AGBL3: variants seen among roughly 807,000 people sequenced by gnomAD.
AGBL3 encodes the protein cytosolic carboxypeptidase 3.
A neutral mutation model predicts 94.5 loss-of-function variants in AGBL3; 68 were observed. The ratio of observed to expected loss-of-function variants is 0.72; its 90% CI spans 0.59 to 0.88. The LOEUF is 0.88. Ranked by LOEUF, AGBL3 falls within the 40% of genes least tolerant of loss-of-function variation. AGBL3 has a pLI of 0.00. For synonymous variants in AGBL3, 354 were observed against 370.7 expected (o/e 0.95, Z 0.52); for missense variants, 934 against 1,103.8 (o/e 0.85, Z 2.18).
At chr7:135,080,432 ACAATC>A (rs1233649450) in intron 14 of AGBL3, among the ~76,000 whole-genome samples, 172 bp downstream of exon 14, 1 of 152,220 alleles carries the variant, frequency 6.6e-6, no homozygotes, top group Non-Finnish European at 1.5e-5. Flanking sequence ...AGAAACAACA[ACAATC>A]CAAGCGCAGT....
At chr7:135,027,160 C>T (rs1815236449) in intron 5 of AGBL3, among the ~76,000 whole-genome samples, 1 of 151,376 alleles carries the variant, frequency 6.6e-6, no homozygotes, top group African/African-American at 2.4e-5. Context: ...GTGATTCTCC[C>T]ACCTCAGCCT....
intron 11 of AGBL3, among the ~76,000 whole-genome samples, chr7:135,054,665 T>C (rs963820333): frequency 2.0e-5 from 3 of 152,222 alleles, no homozygotes; most frequent in Non-Finnish European, 4.4e-5. Context: ...AAATATTTAA[T>C]GGTAGATAAT....
chr7:135,121,955 A>G (rs903238634), intron 16 of AGBL3, among the ~76,000 whole-genome samples: 1 of 152,172 alleles, frequency 6.6e-6, no homozygotes, highest in African/African-American at 2.4e-5. Context: ...TAGCGTCCCA[A>G]CCCCAGAGCC....
At chr7:134,995,471 G>C (rs1247311689) in intron 4 of AGBL3, 1 of 152,182 alleles carries the variant, frequency 6.6e-6, no homozygotes, top group African/African-American at 2.4e-5. Flanking sequence ...AGTGGGGAGA[G>C]TTTCTATTTT....
chr7:135,039,564 A>T (rs184122011), intron 8 of AGBL3, among the ~76,000 whole-genome samples: 1 of 152,002 alleles, frequency 6.6e-6, no homozygotes, highest in East Asian at 1.9e-4. Context: ...GTGAAACCTC[A>T]TCTCTACTAA....
intron 4 of AGBL3, chr7:135,010,021 A>C: frequency 2.6e-6 from 1 of 380,406 alleles, no homozygotes; most frequent in Admixed American, 3.4e-5. Context: ...TGAGGATGAC[A>C]CTTTTTTTTT....
At chr7:135,124,206 A>G (rs1827534218) in intron 16 of AGBL3, among the ~76,000 whole-genome samples, 4 of 141,308 alleles carry the variant, frequency 2.8e-5, no homozygotes, top group Admixed American at 2.2e-4. Context: ...AAAATTTACC[A>G]AGCAAATGGA....
At chr7:135,120,643 C>A (rs4732096) in intron 16 of AGBL3, among the ~76,000 whole-genome samples, 1 of 151,528 alleles carries the variant, frequency 6.6e-6, no homozygotes, top group Non-Finnish European at 1.5e-5. Flanking sequence ...CAGTTAAGGA[C>A]AGATTAACAG....
intron 6 of AGBL3, among the ~76,000 whole-genome samples, chr7:135,033,620 C>A (rs1815999019): frequency 6.6e-6 from 1 of 152,098 alleles, no homozygotes; most frequent in South Asian, 2.1e-4. Context: ...TTAAGCATCT[C>A]CAAAGACTAA....
At chr7:135,027,453 T>C (rs1815273873) in intron 5 of AGBL3, among the ~76,000 whole-genome samples, 1 of 151,672 alleles carries the variant, frequency 6.6e-6, no homozygotes, top group Admixed American at 6.6e-5. Flanking sequence ...TTTATTTATG[T>C]ATTTACCATT....
At chr7:135,065,838 T>A (rs1408292253) in intron 12 of AGBL3, among the ~76,000 whole-genome samples, 1 of 152,052 alleles carries the variant, frequency 6.6e-6, no homozygotes, top group African/African-American at 2.4e-5. Flanking sequence ...CTGCAGTAAG[T>A]CATGATTGGG....
At chr7:135,122,800 G>A (rs772961906) in intron 16 of AGBL3, among the ~76,000 whole-genome samples, 5 of 152,124 alleles carry the variant, frequency 3.3e-5, no homozygotes, top group African/African-American at 9.7e-5. Context: ...CTATAGAAAA[G>A]GGACCTGACC....
chr7:135,096,620 G>GATAGATAGATAGATAC (rs1822852485), intron 15 of AGBL3, among the ~76,000 whole-genome samples: 1 of 149,618 alleles, frequency 6.7e-6, no homozygotes, highest in Non-Finnish European at 1.5e-5. Context: ...TAGATAGATA[G>GATAGATAGATAGATAC]ATAGGGCTAT....
intron 12 of AGBL3, among the ~76,000 whole-genome samples, chr7:135,061,734 T>C (rs973591790): frequency 6.6e-6 from 1 of 152,114 alleles, no homozygotes; most frequent in African/African-American, 2.4e-5. Flanking sequence ...TTCATTCTAT[T>C]GGTTTATGTG....
chr7:135,024,083 A>G (rs748792692), intron 5 of AGBL3, among the ~76,000 whole-genome samples: 1 of 152,110 alleles, frequency 6.6e-6, no homozygotes, highest in Non-Finnish European at 1.5e-5. Context: ...TGGGCCAACA[A>G]AGGAACAGGG....
intron 12 of AGBL3, among the ~76,000 whole-genome samples, chr7:135,065,920 G>A (rs1819249822): frequency 6.6e-6 from 1 of 151,990 alleles, no homozygotes; most frequent in African/African-American, 2.4e-5. Context: ...TGGGAAACTG[G>A]ATATATACAT....
chr7:134,988,001 G>A lies in AGBL3; in HGVS notation c.63+5G>A. ...ATCAGTGATGAAGATGAATCGGTAT[G>A]TTTTTCTCAACTTTATTTTACTTGG... On this transcript the variant is annotated splice_donor_5th_base_variant and intron_variant, in intron 2 of 16. Transcript: ENST00000436302. 2.0e-6 allele frequency: 3 copies of A among 1,532,898 alleles called. No homozygotes were observed. Among genetic ancestry groups the A allele is most frequent in the Admixed American group, 4.2e-5 (2 of 47,912 alleles). The allele number at this position is 1,532,898 out of a possible 1,614,324, so 95.0% of individuals were successfully genotyped here. A position where few individuals can be genotyped will look rare whatever the true frequency, so the allele number is the denominator to read the frequency against.
intron 3 of AGBL3, among the ~76,000 whole-genome samples, chr7:134,992,953 A>C (rs182630781): frequency 6.6e-6 from 1 of 152,358 alleles, no homozygotes; most frequent in African/African-American, 2.4e-5. Flanking sequence ...CGTCAAATTG[A>C]TGCCGTACAG....
intron 12 of AGBL3, among the ~76,000 whole-genome samples, chr7:135,068,017 T>C (rs1819519198): frequency 6.6e-6 from 1 of 151,956 alleles, no homozygotes; most frequent in African/African-American, 2.4e-5. Context: ...CTAACTAGAA[T>C]AACCAATGCA....
Sources: allele counts gnomAD v4.1 joint callset (sites outside exome capture counted in the v4.1 genomes callset), GRCh38; gene constraint gnomAD v4.1.1; transcripts MANE v1.5; gene names NCBI Gene and HGNC (gene_info 2026-07-23, HGNC 2026-07-21).